The following GRM3 variants were observed in gnomAD, a reference collection of about 807,000 sequenced individuals.
GRM3 encodes the protein glutamate metabotropic receptor 3.
In GRM3, 26 loss-of-function variants were observed where a neutral mutation model predicts 70.5. That is an observed-to-expected ratio of 0.37 (90% CI 0.27 to 0.51). The LOEUF is 0.51. Ranked by LOEUF, GRM3 falls within the 20% of genes least tolerant of loss-of-function variation. The probability of loss-of-function intolerance (pLI) is 0.93; values close to 1 mark genes in which losing one functional copy is unlikely to be tolerated. For missense variants in GRM3, 859 were observed against 1,123.8 expected (o/e 0.76, Z 3.37); for synonymous variants, 443 against 434.9 (o/e 1.02, Z -0.23).
At position 86,839,386 on chromosome 7, in the gene GRM3, G is replaced by T; in HGVS notation, c.1872G>T (p.Leu624=). 6.8e-6 allele frequency: 11 copies of T among 1,614,088 alleles called. No individual in the cohort carries two copies. The highest frequency in any genetic ancestry group is 1.3e-5 in the African/African-American group (1 of 75,050). ...ACATCTTATTGTTTGGGGTTGGCCT[G>T]TCATACTGCATGACATTCTTCTTCA... ...LCYILLFGVG[L]SYCMTFFFIA... The change falls in exon 4 of 6, where the codon CTG becomes CTT. Residue 624 remains leucine (L), a synonymous_variant. Transcript: ENST00000361669. This position sits in a 1 kb window ranked among gnomAD's most constrained non-coding sequence, Gnocchi z 4.5.
intron 1 of GRM3, among the ~76,000 whole-genome samples, chr7:86,734,557 A>G (rs1795812221): frequency 6.6e-6 from 1 of 152,214 alleles, no homozygotes. Flanking sequence ...TTATTTGTAA[A>G]GAATAATATC....
At chr7:86,707,388 T>C (rs1282731141) in intron 1 of GRM3, among the ~76,000 whole-genome samples, 1 of 152,020 alleles carries the variant, frequency 6.6e-6, no homozygotes, top group African/African-American at 2.4e-5. Context: ...CCTCCTAAGA[T>C]TGCTGTGATG....
chr7:86,706,023 C>T (rs529221826), intron 1 of GRM3, among the ~76,000 whole-genome samples: 1 of 91,126 alleles, frequency 1.1e-5, no homozygotes, highest in African/African-American at 5.9e-5. Context: ...GATGATAAAA[C>T]TTGTCCTTTG....
intron 2 of GRM3, among the ~76,000 whole-genome samples, chr7:86,765,911 A>G (rs957146337): frequency 3.9e-5 from 6 of 152,126 alleles, no homozygotes; most frequent in African/African-American, 1.4e-4. Flanking sequence ...AGATGCTGTG[A>G]ACTAATGGAG....
chr7:86,821,941 CTTT>C (rs113685892), intron 3 of GRM3, among the ~76,000 whole-genome samples: 1 of 143,370 alleles, frequency 7.0e-6, no homozygotes, highest in African/African-American at 2.5e-5. Context: ...CTTAGAGCAA[CTTT>C]TTTTTTTTTT....
intron 3 of GRM3, among the ~76,000 whole-genome samples, chr7:86,804,091 T>C (rs1244022426): frequency 6.6e-6 from 1 of 152,172 alleles, no homozygotes; most frequent in Non-Finnish European, 1.5e-5. Flanking sequence ...CTTGGATCAT[T>C]GCACAGTGAT....
At chr7:86,797,528 A>T (rs968991495) in intron 3 of GRM3, among the ~76,000 whole-genome samples, 1 of 152,222 alleles carries the variant, frequency 6.6e-6, no homozygotes, top group Non-Finnish European at 1.5e-5. Context: ...GGGTGCTGTT[A>T]AAGGCATTCA....
intron 1 of GRM3, among the ~76,000 whole-genome samples, chr7:86,658,613 G>T (rs1484640279): frequency 2.0e-5 from 3 of 152,154 alleles, no homozygotes; most frequent in Non-Finnish European, 2.9e-5. Flanking sequence ...AAAGACAGAA[G>T]TCATGCCTGC....
At chr7:86,651,888 T>C (rs2115778072) in intron 1 of GRM3, among the ~76,000 whole-genome samples, 1 of 152,308 alleles carries the variant, frequency 6.6e-6, no homozygotes, top group Admixed American at 6.5e-5. Context: ...CATAAAATTT[T>C]CCAAATTTTA....
At chr7:86,701,323 A>G (rs1794942536) in intron 1 of GRM3, among the ~76,000 whole-genome samples, 1 of 151,944 alleles carries the variant, frequency 6.6e-6, no homozygotes, top group African/African-American at 2.4e-5. Context: ...TATTCAAAAC[A>G]ATAAATTTAG....
intron 4 of GRM3, among the ~76,000 whole-genome samples, chr7:86,844,887 C>A (rs1426441524): frequency 6.6e-6 from 1 of 151,890 alleles, no homozygotes; most frequent in Non-Finnish European, 1.5e-5. Context: ...TCCTTGAGTC[C>A]TGATTTCTTT....
chr7:86,842,815 T>A (rs1266130436), intron 4 of GRM3, among the ~76,000 whole-genome samples: 1 of 152,188 alleles, frequency 6.6e-6, no homozygotes, highest in African/African-American at 2.4e-5. Context: ...ATTAAATTGA[T>A]GATATAAACT....
At chr7:86,773,932 A>C (rs1485677004) in intron 2 of GRM3, among the ~76,000 whole-genome samples, 2 of 152,144 alleles carry the variant, frequency 1.3e-5, no homozygotes, top group East Asian at 1.9e-4. Context: ...CACTGTTCAC[A>C]AGGCAATAGG....
chr7:86,721,467 G>T (rs1448894624), intron 1 of GRM3, among the ~76,000 whole-genome samples: 1 of 151,946 alleles, frequency 6.6e-6, no homozygotes, highest in African/African-American at 2.4e-5. Flanking sequence ...ATTCTTCCAT[G>T]GAAAGAATAA....
chr7:86,659,108 C>T (rs115400087), intron 1 of GRM3, among the ~76,000 whole-genome samples: 2,530 of 152,208 alleles, frequency 0.017, 85 homozygotes, highest in African/African-American at 0.058. Flanking sequence ...GATAAAAGCA[C>T]ATTTCAGACA....
chr7:86,774,752 A>G (rs1258668144), intron 2 of GRM3, among the ~76,000 whole-genome samples: 1 of 152,136 alleles, frequency 6.6e-6, no homozygotes, highest in East Asian at 1.9e-4. Flanking sequence ...GGTAGATACC[A>G]TAAGGTTCAC....
chr7:86,732,673 G>T (rs558065488), intron 1 of GRM3, among the ~76,000 whole-genome samples: 3 of 152,214 alleles, frequency 2.0e-5, no homozygotes, highest in Non-Finnish European at 4.4e-5. Flanking sequence ...CACAAGGAAC[G>T]TAAGGCTTAA....
intron 2 of GRM3, among the ~76,000 whole-genome samples, chr7:86,781,647 ATTG>A: frequency 6.6e-6 from 1 of 152,198 alleles, no homozygotes; most frequent in African/African-American, 2.4e-5. Flanking sequence ...ACCCTGTGAG[ATTG>A]TTTTCTCACC....
chr7:86,745,306 G>A (rs1036603123), intron 1 of GRM3, among the ~76,000 whole-genome samples: 6 of 152,068 alleles, frequency 3.9e-5, no homozygotes, highest in Non-Finnish European at 8.8e-5. Context: ...TGAGTGGAAT[G>A]TGACATTGGC....
Sources: gnomAD v4.1 joint callset for allele counts (sites outside exome capture counted in the v4.1 genomes callset) on GRCh38, gnomAD v4.1.1 for gene constraint, Gnocchi (gnomAD v3.1) non-coding constraint, MANE v1.5 for transcripts, NCBI Gene and HGNC (gene_info 2026-07-23, HGNC 2026-07-21) for gene names.